Variants in OPCML observed in about 807,000 individuals in gnomAD.
OPCML encodes the protein opioid-binding protein/cell adhesion molecule.
A neutral mutation model predicts 37.8 loss-of-function variants in OPCML; 13 were observed. The observed-to-expected ratio is 0.34, with a 90% confidence interval of 0.22 to 0.55. The LOEUF (loss-of-function observed/expected upper bound fraction) is 0.55. Ranked by LOEUF, OPCML falls within the 20% of genes least tolerant of loss-of-function variation. The pLI, the probability that OPCML is intolerant of heterozygous loss-of-function variation, is 0.91. For synonymous variants in OPCML, 176 were observed against 168.8 expected, an observed-to-expected ratio of 1.04 and a Z score of -0.33; for missense variants, 341 against 435.6, an observed-to-expected ratio of 0.78 and a Z score of 1.93.
intron 1 of OPCML, among the ~76,000 whole-genome samples, chr11:133,312,484 G>A (rs763869519): frequency 6.6e-6 from 1 of 152,210 alleles, no homozygotes; most frequent in Admixed American, 6.5e-5. Context: ...GCCCTGAATA[G>A]GCTGTTTGAA....
intron 1 of OPCML, among the ~76,000 whole-genome samples, chr11:133,015,687 A>C (rs570198935): frequency 1.3e-5 from 2 of 152,240 alleles, no homozygotes; most frequent in African/African-American, 4.8e-5. Context: ...GCAGTGAAAA[A>C]TCCTTCCACA....
rs533472672 is a variant in OPCML, at chr11:133,184,101, A to G, written c.62-241091T>C. On this transcript the variant is annotated intron_variant, in intron 1 of 7. Coordinates refer to ENST00000524381, the MANE Select transcript of OPCML (RefSeq NM_001012393.5). ...AGAGGCTGACCCTAATCCTGCAGCA[A>G]GAGGGTTCAAAAGGCAGGTGCTTCA... 4.6e-5 allele frequency among the ~76,000 whole-genome samples: 7 copies of G among 152,332 alleles called. No homozygotes were observed. The South Asian group carries it at 1.5e-3, about 32-fold the overall frequency.
At chr11:133,202,789 G>C (rs1938856627) in intron 1 of OPCML, among the ~76,000 whole-genome samples, 1 of 152,204 alleles carries the variant, frequency 6.6e-6, no homozygotes, top group African/African-American at 2.4e-5. Flanking sequence ...GACCCAACAT[G>C]CTGCTTCATC....
intron 3 of OPCML, among the ~76,000 whole-genome samples, chr11:132,632,812 C>T (rs1269267316): frequency 1.3e-5 from 2 of 152,168 alleles, no homozygotes; most frequent in Non-Finnish European, 1.5e-5. Flanking sequence ...ACGGCTGCTG[C>T]TCCACTCTGG....
chr11:133,464,752 A>G (rs934835816), intron 1 of OPCML, among the ~76,000 whole-genome samples: 2 of 152,206 alleles, frequency 1.3e-5, no homozygotes, highest in Non-Finnish European at 1.5e-5. Flanking sequence ...GCACGCTTTC[A>G]GAAACCTAAG....
intron 2 of OPCML, among the ~76,000 whole-genome samples, chr11:132,845,888 GC>G (rs1941509937): frequency 6.6e-6 from 1 of 152,044 alleles, no homozygotes; most frequent in African/African-American, 2.4e-5. Flanking sequence ...GTGGCGAAAG[GC>G]CCATCCTGAT....
At chr11:133,008,192 T>C (rs959959481) in intron 1 of OPCML, 13 of 985,328 alleles carry the variant, frequency 1.3e-5, no homozygotes, top group Middle Eastern at 5.2e-4. Context: ...GGTCATTCCA[T>C]TGGCTACAGA....
At chr11:132,500,800 T>C (rs916158305) in intron 4 of OPCML, among the ~76,000 whole-genome samples, 10 of 152,104 alleles carry the variant, frequency 6.6e-5, no homozygotes, top group Non-Finnish European at 1.5e-4. Context: ...TGAGAACATG[T>C]GGTGTTTGGT....
chr11:132,990,721 T>C (rs1288392818), intron 1 of OPCML, among the ~76,000 whole-genome samples: 1 of 152,058 alleles, frequency 6.6e-6, no homozygotes, highest in African/African-American at 2.4e-5. Context: ...GATAAGAAAA[T>C]GGAAAATGCA....
At chr11:132,742,494 G>A (rs146526198) in intron 2 of OPCML, among the ~76,000 whole-genome samples, 37 of 152,112 alleles carry the variant, frequency 2.4e-4, no homozygotes, top group African/African-American at 1.2e-4. Context: ...TGCTGGCACC[G>A]TGATCTTGGA....
intron 4 of OPCML, among the ~76,000 whole-genome samples, chr11:132,490,427 C>A (rs73585063): frequency 0.037 from 5,566 of 152,082 alleles, 327 homozygotes; most frequent in African/African-American, 0.12. Flanking sequence ...AGCTCCAGGG[C>A]TCAGGCCTGG....
At chr11:133,072,561 C>T (rs962512535) in intron 1 of OPCML, among the ~76,000 whole-genome samples, 2 of 152,332 alleles carry the variant, frequency 1.3e-5, no homozygotes, top group Admixed American at 6.5e-5. Context: ...CCTCTAGGGA[C>T]GGCTTGATGA....
At chr11:133,308,250 T>C (rs1420712734) in intron 1 of OPCML, among the ~76,000 whole-genome samples, 1 of 152,172 alleles carries the variant, frequency 6.6e-6, no homozygotes, top group Non-Finnish European at 1.5e-5. Context: ...TCTTAGTTTA[T>C]ACCATAGACT....
At chr11:132,893,151 A>C (rs1196523289) in intron 2 of OPCML, among the ~76,000 whole-genome samples, 1 of 152,028 alleles carries the variant, frequency 6.6e-6, no homozygotes, top group Non-Finnish European at 1.5e-5. Flanking sequence ...GAACTGAACC[A>C]TTTGGTGGTT....
At chr11:133,400,134 G>A (rs146396558) in intron 1 of OPCML, among the ~76,000 whole-genome samples, 147 of 152,138 alleles carry the variant, frequency 9.7e-4, no homozygotes, top group African/African-American at 2.6e-3. Context: ...CAGCTTTTCC[G>A]ACCCAGAAGT....
intron 4 of OPCML, chr11:132,437,594 T>C (rs1306950243): frequency 2.1e-5 from 9 of 430,442 alleles, no homozygotes; most frequent in East Asian, 3.1e-4. Context: ...TTAACTTTCT[T>C]AGAGCATTTG....
At chr11:132,512,396 CT>C (rs2096270700) in intron 4 of OPCML, among the ~76,000 whole-genome samples, 1 of 151,944 alleles carries the variant, frequency 6.6e-6, no homozygotes, top group Non-Finnish European at 1.5e-5. Flanking sequence ...AGAAAAAGGC[CT>C]GTACATACGT....
chr11:132,739,575 A>G (rs1257680969), intron 2 of OPCML, among the ~76,000 whole-genome samples: 1 of 152,212 alleles, frequency 6.6e-6, no homozygotes, highest in African/African-American at 2.4e-5. Flanking sequence ...ATACCAACCT[A>G]ATAATTATCT....
chr11:133,283,643 G>C (rs982255887), intron 1 of OPCML, among the ~76,000 whole-genome samples: 2 of 152,132 alleles, frequency 1.3e-5, no homozygotes, highest in Non-Finnish European at 2.9e-5. Flanking sequence ...AACTGTTCTT[G>C]GGGCCAGATG....
Sources: allele counts gnomAD v4.1 joint callset (sites outside exome capture counted in the v4.1 genomes callset), GRCh38; gene constraint gnomAD v4.1.1; transcripts MANE v1.5; gene names NCBI Gene and HGNC (gene_info 2026-07-23, HGNC 2026-07-21).